Variants in TBCK observed in about 807,000 individuals in gnomAD.
TBCK encodes TBC domain-containing protein kinase-like protein.
Under a neutral mutation model 113.4 loss-of-function variants are expected in TBCK, and 99 were observed. The ratio of observed to expected loss-of-function variants is 0.87; its 90% confidence interval spans 0.74 to 1.03. The LOEUF is 1.03. Among genes scored for constraint, TBCK ranks in the 50% least tolerant of loss-of-function variants. TBCK has a pLI of 0.00. For missense variants in TBCK, 1,045 were observed against 1,061.3 expected (o/e 0.98, Z 0.21); for synonymous variants, 369 against 370.8 (o/e 1.00, Z 0.05).
chr4:106,061,620 C>G (rs189174461), intron 25 of TBCK, among the ~76,000 whole-genome samples: 1 of 151,164 alleles, frequency 6.6e-6, no homozygotes, highest in East Asian at 2.0e-4. Context: ...TTGGGTTGGT[C>G]TGGAACTGAA....
Position 106,242,559 on chromosome 4 carries a change from CA to C in TBCK, c.1080del (p.Phe360LeufsTer17), listed in dbSNP as rs778861806. The C allele has an allele frequency of 1.3e-6, 2 of 1,598,222 alleles. No homozygotes were observed. Among genetic ancestry groups the C allele is most frequent in the Admixed American group, 3.5e-5 (2 of 57,544 alleles). On this transcript the variant is annotated frameshift_variant, in exon 12 of 26. Transcript: ENST00000394708. LOFTEE classifies it high-confidence loss of function. ...PPICTLPNFL[F>X]EDGESFGQGR... ...CCTTGTCCAAAGCTTTCACCATCCT[CA>C]AAGAGAAAACTGAAAAGAAATTTTT...
chr4:106,308,446 C>G (rs1406461012), intron 2 of TBCK, among the ~76,000 whole-genome samples: 1 of 152,170 alleles, frequency 6.6e-6, no homozygotes, highest in African/African-American at 2.4e-5. Flanking sequence ...CTCAAAGCAA[C>G]TCAGCTTGGC....
chr4:106,263,236 A>AT, intron 3 of TBCK, among the ~76,000 whole-genome samples: 1 of 151,900 alleles, frequency 6.6e-6, no homozygotes, highest in Non-Finnish European at 1.5e-5. Context: ...ACTAAACATA[A>AT]TTTTTAAAAC....
Position 106,046,520 on chromosome 4 carries a change from C to A in TBCK, c.*50G>T. 1 of 968,018 alleles carries A rather than the reference C, an allele frequency of 1.0e-6. No homozygotes were observed. The highest frequency in any genetic ancestry group is 1.7e-6 in the Non-Finnish European group (1 of 597,248). 60.0% of individuals were successfully genotyped at this position (968,018 alleles called of 1,614,324 possible). On this transcript the variant is annotated 3_prime_UTR_variant, in exon 26 of 26. Coordinates refer to ENST00000394708, the MANE Select transcript of TBCK (RefSeq NM_001163435.3). ...AGTGGCGTGGATATGAAGAACTGTG[C>A]TGTTGGTGCTGATGCCACACTAAGT...
chr4:106,217,374 T>G (rs1036971220), intron 19 of TBCK, among the ~76,000 whole-genome samples: 3 of 152,034 alleles, frequency 2.0e-5, no homozygotes, highest in Non-Finnish European at 2.9e-5. Flanking sequence ...CCAGGGCAAT[T>G]AGGCAGGAGA....
Position 106,309,211 on chromosome 4 carries a change from A to G in TBCK, c.-29-222T>C, listed in dbSNP as rs534585320. 3.3e-5 allele frequency among the ~76,000 whole-genome samples: 5 copies of G among 152,248 alleles called. No homozygotes were observed. In the South Asian group the frequency reaches 8.3e-4, roughly 25 times the overall value. ...CTCTAAGATTTTCAATGGCATAAAAAAGAAAAGATTATTCCATTCTCAATG... is the reference window on the plus strand; with the variant it reads ...CTCTAAGATTTTCAATGGCATAAAAGAGAAAAGATTATTCCATTCTCAATG... On this transcript the variant is annotated intron_variant, in intron 1 of 25. Coordinates refer to ENST00000394708, the MANE Select transcript of TBCK (RefSeq NM_001163435.3).
At chr4:106,070,047 C>G (rs182747287) in intron 25 of TBCK, among the ~76,000 whole-genome samples, 1 of 151,954 alleles carries the variant, frequency 6.6e-6, no homozygotes, top group Non-Finnish European at 1.5e-5. Context: ...TGGGCTGAGA[C>G]GATGGGGTTT....
At position 106,277,307 on chromosome 4, in the gene TBCK, A is replaced by G. The variant is rs1764139777; in HGVS notation, c.267-15095T>C. Among the ~76,000 whole-genome samples, 4 of 152,182 alleles carry G rather than the reference A, an allele frequency of 2.6e-5. No homozygotes were observed. The South Asian group carries it at 8.3e-4, about 32-fold the overall frequency. On this transcript the variant is annotated intron_variant, in intron 3 of 25. Coordinates refer to ENST00000394708, the MANE Select transcript of TBCK (RefSeq NM_001163435.3). ...CTATAAAATATTAGTCATACACATG[A>G]TTAATATCCTATAACACAACAATTC...
intron 23 of TBCK, among the ~76,000 whole-genome samples, chr4:106,145,038 G>T (rs1278471163): frequency 9.2e-6 from 1 of 109,036 alleles, no homozygotes; most frequent in Non-Finnish European, 2.0e-5. Flanking sequence ...AAAAAAAAAA[G>T]GCCAGGTGCG....
In TBCK at chr4:106,247,016, G is replaced by A. The variant is rs1760891328; in HGVS notation, c.931+123C>T. ...TTATATTTTAATCACTTCCAGAATT[G>A]TCTCTTAATTCCCATGATCCCACCA... On this transcript the variant is annotated intron_variant, in intron 10 of 25. Coordinates refer to ENST00000394708, the MANE Select transcript of TBCK (RefSeq NM_001163435.3). 4 of 989,522 alleles carry A rather than the reference G, an allele frequency of 4.0e-6. No homozygotes were observed. In the Admixed American group the frequency reaches 1.2e-4, roughly 30 times the overall value. The allele number at this position is 989,522 out of a possible 1,614,324, so 61.3% of individuals were successfully genotyped here.
intron 25 of TBCK, among the ~76,000 whole-genome samples, chr4:106,079,521 T>A (rs1003056501): frequency 6.6e-6 from 1 of 152,186 alleles, no homozygotes; most frequent in African/African-American, 2.4e-5. Context: ...ATCATTAGCA[T>A]TCAAGCTGAG....
intron 12 of TBCK, among the ~76,000 whole-genome samples, chr4:106,242,205 TAAAAG>T (rs1469204489): frequency 1.3e-5 from 2 of 152,104 alleles, no homozygotes; most frequent in Non-Finnish European, 2.9e-5. Flanking sequence ...TAAAATGTGA[TAAAAG>T]AAAGTGTTAC....
chr4:106,079,502 T>G (rs1231913031), intron 25 of TBCK, among the ~76,000 whole-genome samples: 1 of 152,174 alleles, frequency 6.6e-6, no homozygotes, highest in Admixed American at 6.5e-5. Flanking sequence ...ATAAGTAGCA[T>G]TTCTATATAT....
intron 19 of TBCK, among the ~76,000 whole-genome samples, chr4:106,219,464 A>T (rs1757413441): frequency 6.6e-6 from 1 of 151,960 alleles, no homozygotes; most frequent in South Asian, 2.1e-4. Context: ...GAAAGTAGAG[A>T]TACGGTAGGC....
intron 7 of TBCK, 141 bp downstream of exon 7, chr4:106,250,277 A>T: frequency 1.9e-6 from 1 of 538,464 alleles, no homozygotes; most frequent in Non-Finnish European, 3.3e-6. Flanking sequence ...GCTGATCATT[A>T]CCACTGATCA....
intron 5 of TBCK, among the ~76,000 whole-genome samples, chr4:106,258,914 A>G (rs1457441865): frequency 6.6e-6 from 1 of 151,898 alleles, no homozygotes; most frequent in East Asian, 1.9e-4. Flanking sequence ...TCTTTGCAAA[A>G]TACCATTTTC....
At chr4:106,072,299 A>C (rs1737561256) in intron 25 of TBCK, among the ~76,000 whole-genome samples, 3 of 152,226 alleles carry the variant, frequency 2.0e-5, no homozygotes, top group Admixed American at 2.0e-4. Context: ...TGTTGGCGAC[A>C]AAATCTCTCA....
intron 2 of TBCK, among the ~76,000 whole-genome samples, chr4:106,295,779 A>T (rs905074795): frequency 4.6e-5 from 7 of 152,164 alleles, no homozygotes; most frequent in African/African-American, 1.7e-4. Flanking sequence ...TCTTGACTTG[A>T]AGCCTTATTG....
intron 23 of TBCK, among the ~76,000 whole-genome samples, chr4:106,162,568 C>T (rs2149710991): frequency 6.6e-6 from 1 of 152,246 alleles, no homozygotes; most frequent in Non-Finnish European, 1.5e-5. Flanking sequence ...CCTGGATATC[C>T]AGGCATTTCC....
Sources: gnomAD v4.1 joint callset for allele counts (sites outside exome capture counted in the v4.1 genomes callset) on GRCh38, gnomAD v4.1.1 for gene constraint, MANE v1.5 for transcripts, NCBI Gene and HGNC (gene_info 2026-07-23, HGNC 2026-07-21) for gene names.